Variants in FCHSD2 observed in about 807,000 individuals in gnomAD.
The protein encoded by FCHSD2 is FCH and double SH3 domains 2, also known as F-BAR and double SH3 domains protein 2.
Under a neutral mutation model 108.1 loss-of-function variants are expected in FCHSD2, and 38 were observed. The observed-to-expected ratio is 0.35, with a 90% CI of 0.27 to 0.46. The LOEUF (loss-of-function observed/expected upper bound fraction) is 0.46. Ranked by LOEUF, FCHSD2 falls within the 20% of genes least tolerant of loss-of-function variation. The pLI, the probability that FCHSD2 is intolerant of heterozygous loss-of-function variation, is 1.00. For missense variants in FCHSD2, 751 were observed against 897.8 expected, an observed-to-expected ratio of 0.84 and a Z score of 2.09; for synonymous variants, 279 against 314.7, an observed-to-expected ratio of 0.89 and a Z score of 1.20.
At chr11:72,912,216 T>C (rs1375559764) in intron 9 of FCHSD2, among the ~76,000 whole-genome samples, 1 of 152,256 alleles carries the variant, frequency 6.6e-6, no homozygotes, top group East Asian at 1.9e-4. Context: ...ATCCTTGTCA[T>C]GTTCCAAATC....
chr11:72,952,456 C>T (rs1301228407), intron 8 of FCHSD2, among the ~76,000 whole-genome samples: 1 of 151,938 alleles, frequency 6.6e-6, no homozygotes, highest in African/African-American at 2.4e-5. Flanking sequence ...TCCTGAGTAG[C>T]TGGGATTACA....
intron 12 of FCHSD2, among the ~76,000 whole-genome samples, chr11:72,883,471 T>C (rs528468743): frequency 6.6e-6 from 1 of 152,168 alleles, no homozygotes; most frequent in South Asian, 2.1e-4. Flanking sequence ...CAATCTAAAT[T>C]TGGGCAAAAG....
chr11:73,066,103 T>TACACTAC (rs1217810381), intron 3 of FCHSD2, among the ~76,000 whole-genome samples: 1 of 150,368 alleles, frequency 6.7e-6, no homozygotes, highest in Admixed American at 6.6e-5. Flanking sequence ...GACTTCAAAC[T>TACACTAC]AGGGCTACAG....
Position 72,902,644 on chromosome 11 carries a change from G to T in FCHSD2, c.829-6C>A. The T allele has an allele frequency of 6.5e-7, 1 of 1,548,992 alleles. No homozygotes were observed. Among genetic ancestry groups the T allele is most frequent in the East Asian group, 2.4e-5 (1 of 42,200 alleles). ...AGATTGTAGTCCCGGACCACCTAAA[G>T]AGAAAATAAAATATCTTTAGGTCTT... is the stretch of plus-strand genomic sequence containing the variant. On this transcript the variant is annotated splice_region_variant and splice_polypyrimidine_tract_variant and intron_variant, in intron 9 of 19. Coordinates refer to ENST00000409418, the MANE Select transcript of FCHSD2 (RefSeq NM_014824.3).
intron 4 of FCHSD2, among the ~76,000 whole-genome samples, chr11:73,006,270 T>C (rs1428936505): frequency 6.6e-6 from 1 of 152,166 alleles, no homozygotes; most frequent in Admixed American, 6.5e-5. Context: ...CTGTTCAACA[T>C]ATCCAACTTG....
chr11:72,993,690 T>C (rs1591466392), intron 5 of FCHSD2, among the ~76,000 whole-genome samples: 2 of 143,046 alleles, frequency 1.4e-5, no homozygotes, highest in South Asian at 2.2e-4. Context: ...TTCTCACTCA[T>C]AGGTGGGAAT....
chr11:73,065,143 A>C (rs1419129711), intron 3 of FCHSD2, among the ~76,000 whole-genome samples: 1 of 152,212 alleles, frequency 6.6e-6, no homozygotes, highest in African/African-American at 2.4e-5. Flanking sequence ...GCAGCACATC[A>C]AAAAGCTTAT....
intron 2 of FCHSD2, among the ~76,000 whole-genome samples, chr11:73,088,583 CAT>C (rs1213392094): frequency 1.3e-5 from 2 of 151,854 alleles, no homozygotes; most frequent in African/African-American, 4.8e-5. Flanking sequence ...TTTTAGTAAA[CAT>C]ATAATGTTTG....
chr11:72,857,165 GC>G (rs1465729373), intron 13 of FCHSD2, among the ~76,000 whole-genome samples: 1 of 152,174 alleles, frequency 6.6e-6, no homozygotes, highest in Non-Finnish European at 1.5e-5. Flanking sequence ...GCCAGCAATA[GC>G]GGTCACTGTC....
At chr11:73,116,925 T>G (rs1860617702) in intron 2 of FCHSD2, among the ~76,000 whole-genome samples, 1 of 119,780 alleles carries the variant, frequency 8.3e-6, no homozygotes, top group Non-Finnish European at 1.7e-5. Flanking sequence ...TTATATTTTT[T>G]CATGTAAAAC....
intron 8 of FCHSD2, among the ~76,000 whole-genome samples, chr11:72,953,264 A>C (rs1197655434): frequency 1.3e-5 from 2 of 152,216 alleles, no homozygotes; most frequent in African/African-American, 4.8e-5. Context: ...CAGATCTTAG[A>C]TCTCCAGAAA....
intron 3 of FCHSD2, among the ~76,000 whole-genome samples, chr11:73,076,308 T>C (rs1433962936): frequency 6.6e-6 from 1 of 152,058 alleles, no homozygotes; most frequent in Non-Finnish European, 1.5e-5. Flanking sequence ...CACCAGTTGG[T>C]GAATGGATAA....
chr11:72,842,961 A>C, intron 16 of FCHSD2, 120 bp from the exon 17 acceptor site: 1 of 930,610 alleles, frequency 1.1e-6, no homozygotes, highest in Non-Finnish European at 1.6e-6. Flanking sequence ...TAAAGTTGTA[A>C]TTTTTTTACT....
intron 3 of FCHSD2, among the ~76,000 whole-genome samples, chr11:73,045,427 C>T (rs1439093446): frequency 6.6e-6 from 1 of 151,428 alleles, no homozygotes; most frequent in Non-Finnish European, 1.5e-5. Context: ...GGTATATACC[C>T]AAAGGACTAT....
At chr11:72,949,431 C>G (rs528196435) in intron 8 of FCHSD2, among the ~76,000 whole-genome samples, 1 of 150,822 alleles carries the variant, frequency 6.6e-6, no homozygotes, top group South Asian at 2.1e-4. Flanking sequence ...GCCTGGGCAC[C>G]AAAGAGCAAA....
chr11:72,987,151 T>C (rs946211838), intron 6 of FCHSD2, among the ~76,000 whole-genome samples: 57 of 152,228 alleles, frequency 3.7e-4, no homozygotes, highest in African/African-American at 1.3e-3. Context: ...TCTCTCCTAA[T>C]GTGTGCATCT....
chr11:72,939,730 TGCCTCA>T (rs2135339715), intron 8 of FCHSD2, among the ~76,000 whole-genome samples: 1 of 150,172 alleles, frequency 6.7e-6, no homozygotes, highest in South Asian at 2.1e-4. Flanking sequence ...GTGATTCTTA[TGCCTCA>T]GCCTCCCGAG....
intron 8 of FCHSD2, among the ~76,000 whole-genome samples, chr11:72,966,627 C>T (rs569194244): frequency 3.0e-4 from 45 of 152,258 alleles, no homozygotes; most frequent in African/African-American, 1.1e-3. Context: ...TGCATGAATA[C>T]ATTCAACAGA....
chr11:72,898,932 A>G (rs957997403), intron 10 of FCHSD2, among the ~76,000 whole-genome samples: 7 of 151,528 alleles, frequency 4.6e-5, no homozygotes, highest in African/African-American at 1.7e-4. Context: ...TTTTTTAGAG[A>G]AAGGGTTTCG....
Sources: allele counts gnomAD v4.1 joint callset (sites outside exome capture counted in the v4.1 genomes callset), GRCh38; gene constraint gnomAD v4.1.1; transcripts MANE v1.5; gene names NCBI Gene and HGNC (gene_info 2026-07-23, HGNC 2026-07-21).